SLC41A3: variants seen among roughly 807,000 people sequenced by gnomAD.
SLC41A3 encodes the protein SLC41A1-like 2.
Under a neutral mutation model 45.4 loss-of-function variants are expected in SLC41A3, and 44 were observed. That is an observed-to-expected ratio of 0.97 (90% CI 0.76 to 1.25). The LOEUF is 1.25. Ranked by LOEUF, SLC41A3 falls within the 50% of genes most tolerant of loss-of-function variation. SLC41A3 has a pLI of 0.00. For missense variants in SLC41A3, 550 were observed against 600.6 expected (o/e 0.92, Z 0.88); for synonymous variants, 256 against 252.4 (o/e 1.01, Z -0.13).
intron 3 of SLC41A3, among the ~76,000 whole-genome samples, chr3:126,045,996 A>T (rs1014630324): frequency 7.3e-6 from 1 of 136,908 alleles, no homozygotes; most frequent in Non-Finnish European, 1.5e-5. Context: ...AATGGGGGGA[A>T]AAAAAACCAC....
chr3:126,056,491 C>T, intron 2 of SLC41A3: 1 of 1,614,204 alleles, frequency 6.2e-7, no homozygotes, highest in Non-Finnish European at 8.5e-7. Context: ...AAGCTCACAG[C>T]TGAAGCCTCG....
At chr3:126,099,798 T>C (rs1945672974) in intron 1 of SLC41A3, among the ~76,000 whole-genome samples, 1 of 152,276 alleles carries the variant, frequency 6.6e-6, no homozygotes, top group Admixed American at 6.5e-5. Flanking sequence ...TCCAAAACTT[T>C]ATAACTGCGT....
chr3:126,088,178 G>A (rs1945430429), upstream of SLC41A3, among the ~76,000 whole-genome samples: 1 of 152,036 alleles, frequency 6.6e-6, no homozygotes, highest in African/African-American at 2.4e-5. Flanking sequence ...ATTAGATCTT[G>A]TAGACCTTTT....
chr3:126,100,365 C>G (rs1482944147), intron 1 of SLC41A3, among the ~76,000 whole-genome samples: 1 of 152,190 alleles, frequency 6.6e-6, no homozygotes, highest in Non-Finnish European at 1.5e-5. Flanking sequence ...AAATGCAAAG[C>G]TCTCTCTGGA....
chr3:126,057,681 C>A (rs566380114), intron 2 of SLC41A3, among the ~76,000 whole-genome samples: 1 of 152,104 alleles, frequency 6.6e-6, no homozygotes, highest in African/African-American at 2.4e-5. Context: ...TGGATCCTAC[C>A]GGCCTCCCCA....
intron 1 of SLC41A3, among the ~76,000 whole-genome samples, chr3:126,072,027 G>A (rs1489454756): frequency 6.6e-6 from 1 of 151,800 alleles, no homozygotes; most frequent in Admixed American, 6.6e-5. Flanking sequence ...TGCTCACCTC[G>A]GCCTCCCAAA....
intron 7 of SLC41A3, 81 bp downstream of exon 7, chr3:126,016,650 A>C: frequency 2.6e-6 from 4 of 1,512,518 alleles, no homozygotes; most frequent in Non-Finnish European, 3.5e-6. Context: ...CTGTCCCCCA[A>C]GGCAGTGAGT....
chr3:126,097,319 T>C (rs1048332295), intron 1 of SLC41A3, among the ~76,000 whole-genome samples: 12 of 152,110 alleles, frequency 7.9e-5, no homozygotes, highest in African/African-American at 2.2e-4. Flanking sequence ...GCCCAGGAAG[T>C]TGCTTCTCCC....
At position 126,066,964 on chromosome 3, in the gene SLC41A3, G is replaced by A. The variant is rs193144875; in HGVS notation, c.273+983C>T. ...GTACTAAATAAATATGAATTTCGCC[G>A]GCGTATGGGGCGATGCTGCAGACTC... On this transcript the variant is annotated intron_variant, in intron 2 of 10. Transcript: ENST00000360370. Among the ~76,000 whole-genome samples the A allele has an allele frequency of 1.9e-3, 291 of 152,162 alleles. 3 individuals are homozygous for A. The highest frequency in any genetic ancestry group is 5.6e-3 in the African/African-American group (234 of 41,488).
chr3:126,095,667 C>T (rs994639134), intron 1 of SLC41A3, among the ~76,000 whole-genome samples: 2 of 152,188 alleles, frequency 1.3e-5, no homozygotes, highest in African/African-American at 4.8e-5. Context: ...CCTCAAAAAC[C>T]TATTTGTAAA....
chr3:126,008,636 C>T, intron 10 of SLC41A3, 96 bp downstream of exon 10: 1 of 1,557,498 alleles, frequency 6.4e-7, no homozygotes, highest in Non-Finnish European at 8.8e-7. Context: ...TCCAGCCACC[C>T]CCACCCGCCT....
At chr3:126,040,025 G>A (rs1208991042) in intron 3 of SLC41A3, among the ~76,000 whole-genome samples, 1 of 152,106 alleles carries the variant, frequency 6.6e-6, no homozygotes, top group Non-Finnish European at 1.5e-5. Flanking sequence ...GCCAGGGCAA[G>A]GAAAATATAA....
chr3:126,079,689 T>C (rs1301330388), intron 1 of SLC41A3, among the ~76,000 whole-genome samples: 1 of 152,228 alleles, frequency 6.6e-6, no homozygotes, highest in African/African-American at 2.4e-5. Flanking sequence ...ATGCAATCAC[T>C]ACCAAAATAC....
intron 9 of SLC41A3, among the ~76,000 whole-genome samples, chr3:126,010,749 A>G (rs1043209556): frequency 1.3e-5 from 2 of 152,204 alleles, no homozygotes; most frequent in Non-Finnish European, 2.9e-5. Flanking sequence ...GAGCAACAAC[A>G]AGGCATCTTT....
At chr3:126,032,692 C>T (rs776628493) in intron 4 of SLC41A3, among the ~76,000 whole-genome samples, 1 of 152,166 alleles carries the variant, frequency 6.6e-6, no homozygotes, top group African/African-American at 2.4e-5. Flanking sequence ...TTGGGGGTGC[C>T]TCTGGGACAG....
At chr3:126,063,820 G>A (rs2107993084) in intron 2 of SLC41A3, among the ~76,000 whole-genome samples, 1 of 152,216 alleles carries the variant, frequency 6.6e-6, no homozygotes, top group Non-Finnish European at 1.5e-5. Flanking sequence ...CTTCCTGGGT[G>A]GGCCACAGGC....
At chr3:126,049,109 A>G (rs1403655201) in intron 3 of SLC41A3, among the ~76,000 whole-genome samples, 1 of 151,386 alleles carries the variant, frequency 6.6e-6, no homozygotes, top group Non-Finnish European at 1.5e-5. Flanking sequence ...GAATTACATT[A>G]ATAGTTCTTT....
At chr3:126,093,993 A>C (rs1447691562) in intron 1 of SLC41A3, among the ~76,000 whole-genome samples, 1 of 152,232 alleles carries the variant, frequency 6.6e-6, no homozygotes, top group Non-Finnish European at 1.5e-5. Flanking sequence ...AAAGCCCTTG[A>C]AGTATATCAA....
chr3:126,066,326 T>C (rs1012903501), intron 2 of SLC41A3, among the ~76,000 whole-genome samples: 24 of 152,164 alleles, frequency 1.6e-4, no homozygotes, highest in African/African-American at 5.5e-4. Context: ...GGAGAGACCA[T>C]GAAGCAGAAA....
Sources: allele counts gnomAD v4.1 joint callset (sites outside exome capture counted in the v4.1 genomes callset), GRCh38; gene constraint gnomAD v4.1.1; transcripts MANE v1.5; gene names NCBI Gene and HGNC (gene_info 2026-07-23, HGNC 2026-07-21).